The following MMD2 variants were observed in gnomAD, a reference collection of about 807,000 sequenced individuals.
MMD2 encodes monocyte to macrophage differentiation associated 2.
Under a neutral mutation model 33.5 loss-of-function variants are expected in MMD2, and 30 were observed. The observed-to-expected ratio is 0.90, with a 90% confidence interval of 0.67 to 1.22. The LOEUF (loss-of-function observed/expected upper bound fraction) is 1.22. MMD2 is among the 50% of genes most tolerant of loss of function. The probability of loss-of-function intolerance (pLI) is 0.00; values close to 1 mark genes in which losing one functional copy is unlikely to be tolerated. For missense variants in MMD2, 364 were observed against 325.4 expected, an observed-to-expected ratio of 1.12 and a Z score of -0.91; for synonymous variants, 129 against 123.0, an observed-to-expected ratio of 1.05 and a Z score of -0.32.
chr7:4,893,419 T>A, the MMD2 span, among the ~76,000 whole-genome samples: 2 of 147,920 alleles, frequency 1.4e-5, no homozygotes, highest in Non-Finnish European at 3.0e-5. Flanking sequence ...TGAGACAGAG[T>A]CTAGCACTGT....
chr7:4,937,120 G>A (rs927089172), intron 1 of MMD2, among the ~76,000 whole-genome samples: 5 of 151,386 alleles, frequency 3.3e-5, no homozygotes, highest in African/African-American at 1.2e-4. Flanking sequence ...ATTGTGGGCC[G>A]GGCATGGTGG....
chr7:4,958,945 C>G, intron 1 of MMD2, 26 bp downstream of exon 1: 1 of 1,290,988 alleles, frequency 7.7e-7, no homozygotes, highest in South Asian at 2.7e-5. Flanking sequence ...CCTCCCTCCC[C>G]GCGGACCTCC....
intron 2 of MMD2, 79 bp from the exon 3 acceptor site, chr7:4,920,410 G>A (rs1481456405): frequency 2.0e-6 from 3 of 1,469,538 alleles, no homozygotes; most frequent in Non-Finnish European, 2.8e-6. Context: ...CCCCGGCTGA[G>A]CTGCCCAACG....
intron 1 of MMD2, among the ~76,000 whole-genome samples, chr7:4,941,128 T>A (rs1785897007): frequency 6.6e-6 from 1 of 152,110 alleles, no homozygotes; most frequent in African/African-American, 2.4e-5. Flanking sequence ...CGTCCTCAGC[T>A]AGCTCCTGGG....
chr7:4,957,310 A>C (rs143200473), intron 1 of MMD2, among the ~76,000 whole-genome samples: 2,554 of 151,626 alleles, frequency 0.017, 84 homozygotes, highest in African/African-American at 0.058. Flanking sequence ...GTGCCACTGC[A>C]CTCCAGCCTT....
the MMD2 span, among the ~76,000 whole-genome samples, chr7:4,900,436 G>T: frequency 6.6e-6 from 1 of 152,126 alleles, no homozygotes; most frequent in African/African-American, 2.4e-5. Flanking sequence ...TGGTGTGTCT[G>T]TAAATTAGCT....
Position 4,946,899 on chromosome 7 carries a change from G to T in MMD2, c.47+12072C>A, listed in dbSNP as rs1786100883. On this transcript the variant is annotated intron_variant, in intron 1 of 6. Coordinates refer to ENST00000401401, the MANE Select transcript of MMD2 (RefSeq NM_198403.4). This position sits in a 1 kb window ranked among gnomAD's most constrained non-coding sequence, Gnocchi z 5.0. ...CTACTAGAAAGAAATACCTGAGACT[G>T]GGTAATTCATAAAGAAAAGGAGTTT... Among the ~76,000 whole-genome samples, 1 of 152,054 alleles carries T rather than the reference G, an allele frequency of 6.6e-6. No individual in the cohort carries two copies. Among genetic ancestry groups the T allele is most frequent in the Non-Finnish European group, 1.5e-5 (1 of 68,028 alleles).
Position 4,906,692 on chromosome 7 carries a change from G to T in MMD2, c.*704C>A, listed in dbSNP as rs1159051396. ...TGCCTACTCCAGGAGTTTCCCAAAA[G>T]GGAGGGGGAGATGAGGAGATAGGCA... is the stretch of plus-strand genomic sequence containing the variant. On this transcript the variant is annotated 3_prime_UTR_variant, in exon 7 of 7. Transcript: ENST00000401401. The T allele has an allele frequency of 5.0e-6, 2 of 396,976 alleles. No individual in the cohort carries two copies. The highest frequency in any genetic ancestry group is 2.1e-5 in the African/African-American group (1 of 48,600). 24.6% of individuals were successfully genotyped at this position (396,976 alleles called of 1,614,324 possible). A position where few individuals can be genotyped will look rare whatever the true frequency, so the allele number is the denominator to read the frequency against.
intron 1 of MMD2, among the ~76,000 whole-genome samples, chr7:4,954,926 C>G (rs1479125472): frequency 6.6e-6 from 1 of 152,178 alleles, no homozygotes; most frequent in African/African-American, 2.4e-5. Context: ...TCCTATTCCA[C>G]TGTTCTCATC....
At chr7:4,936,019 T>C (rs2115131540) in intron 1 of MMD2, among the ~76,000 whole-genome samples, 1 of 151,986 alleles carries the variant, frequency 6.6e-6, no homozygotes, top group East Asian at 1.9e-4. Context: ...ACCCCATCTC[T>C]ACTAAAAATA....
intron 1 of MMD2, among the ~76,000 whole-genome samples, chr7:4,932,252 C>G (rs1785608146): frequency 6.6e-6 from 1 of 152,136 alleles, no homozygotes. Context: ...AGAGGGAGGC[C>G]CGGAGACAGG....
intron 1 of MMD2, among the ~76,000 whole-genome samples, chr7:4,925,863 G>A (rs1427285259): frequency 6.6e-6 from 1 of 152,182 alleles, no homozygotes; most frequent in Non-Finnish European, 1.5e-5. Flanking sequence ...CGACAGACTG[G>A]AGTGTAGTGG....
chr7:4,895,704 T>C, the MMD2 span, among the ~76,000 whole-genome samples: 629 of 152,132 alleles, frequency 4.1e-3, 4 homozygotes, highest in African/African-American at 0.014. Context: ...ATCTGGCTAA[T>C]GTTTGTATTT....
At chr7:4,920,032 G>A in intron 3 of MMD2, 139 bp downstream of exon 3, 2 of 1,004,644 alleles carry the variant, frequency 2.0e-6, no homozygotes, top group Non-Finnish European at 2.8e-6. Flanking sequence ...CTCCTGCAAA[G>A]TCGCCCAGCC....
At chr7:4,951,492 C>T (rs1009155311) in intron 1 of MMD2, among the ~76,000 whole-genome samples, 1 of 152,110 alleles carries the variant, frequency 6.6e-6, no homozygotes, top group African/African-American at 2.4e-5. Flanking sequence ...TGGAAAACTC[C>T]TATTCATCCT....
chr7:4,908,676 A>G lies in MMD2; in HGVS notation c.538-1077T>C, dbSNP rs919244857. Among the ~76,000 whole-genome samples the G allele has an allele frequency of 1.9e-4, 29 of 151,650 alleles. No individual in the cohort carries two copies. The East Asian group carries it at 4.4e-3, about 23-fold the overall frequency. On this transcript the variant is annotated intron_variant, in intron 6 of 6. Transcript: ENST00000401401. Reference sequence around the variant, plus strand: ...GCACTTTGGAGGCTAAGGAGGGCGGATCACGAGGTCAGGAGTTCGAGACCA... The same window carrying G: ...GCACTTTGGAGGCTAAGGAGGGCGGGTCACGAGGTCAGGAGTTCGAGACCA...
At chr7:4,950,506 C>T (rs1786212407) in intron 1 of MMD2, among the ~76,000 whole-genome samples, 1 of 152,122 alleles carries the variant, frequency 6.6e-6, no homozygotes, top group Non-Finnish European at 1.5e-5. Flanking sequence ...TCATTCCCTA[C>T]CCACCCTCAC....
intron 1 of MMD2, among the ~76,000 whole-genome samples, chr7:4,956,162 C>T (rs184421251): frequency 6.6e-6 from 1 of 152,204 alleles, no homozygotes; most frequent in East Asian, 1.9e-4. Context: ...GTGGCTCATG[C>T]CTGTAATCCC....
At chr7:4,921,900 C>T (rs1265559679) in intron 2 of MMD2, among the ~76,000 whole-genome samples, 1 of 152,058 alleles carries the variant, frequency 6.6e-6, no homozygotes. Flanking sequence ...AGATAGAAGC[C>T]TTGCTGTAGG....
Sources: gnomAD v4.1 joint callset for allele counts (sites outside exome capture counted in the v4.1 genomes callset) on GRCh38, gnomAD v4.1.1 for gene constraint, Gnocchi (gnomAD v3.1) non-coding constraint, MANE v1.5 for transcripts, NCBI Gene and HGNC (gene_info 2026-07-23, HGNC 2026-07-21) for gene names.